Variants in LRFN2 observed in about 807,000 individuals in gnomAD.
LRFN2 encodes the protein leucine-rich repeat and fibronectin type-III domain-containing protein 2.
LRFN2 carries 18 observed loss-of-function variants against 37.3 expected under a neutral mutation model. The ratio of observed to expected loss-of-function variants is 0.48; its 90% CI spans 0.33 to 0.72. LRFN2 has a LOEUF of 0.72. Ranked by LOEUF, LRFN2 falls within the 30% of genes least tolerant of loss-of-function variation. The pLI is 0.02. For missense variants in LRFN2, 1,006 were observed against 1,060.7 expected, an observed-to-expected ratio of 0.95 and a Z score of 0.72; for synonymous variants, 556 against 466.6, an observed-to-expected ratio of 1.19 and a Z score of -2.47.
intron 1 of LRFN2, among the ~76,000 whole-genome samples, chr6:40,548,367 G>A (rs1301567443): frequency 1.3e-5 from 2 of 151,990 alleles, no homozygotes; most frequent in Non-Finnish European, 2.9e-5. Context: ...CTTGAACCTG[G>A]GAGGCGGAGG....
chr6:40,417,450 G>A (rs1011343362), intron 2 of LRFN2, among the ~76,000 whole-genome samples: 4 of 152,194 alleles, frequency 2.6e-5, no homozygotes, highest in African/African-American at 9.7e-5. Context: ...AGCCAAAAAT[G>A]CACTTATGAG....
Position 40,540,920 on chromosome 6 carries a change from G to C in LRFN2, c.-19+46021C>G, listed in dbSNP as rs189346979. ...TCAGGGCCAGAAGCGGTCTATCAGA[G>C]GCTGCAGGAGGCTGCTGGGGGTCAG... On this transcript the variant is annotated intron_variant, in intron 1 of 2. Coordinates refer to ENST00000338305, the MANE Select transcript of LRFN2 (RefSeq NM_020737.3). 4.0e-3 allele frequency among the ~76,000 whole-genome samples: 602 copies of C among 152,292 alleles called. 1 individual carries two copies. The highest frequency in any genetic ancestry group is 0.014 in the African/African-American group (570 of 41,562).
At chr6:40,552,183 T>G (rs774208983) in intron 1 of LRFN2, among the ~76,000 whole-genome samples, 1 of 152,196 alleles carries the variant, frequency 6.6e-6, no homozygotes, top group South Asian at 2.1e-4. Flanking sequence ...AATTAGAAAC[T>G]CTGAAGTGAG....
At chr6:40,509,943 G>A (rs1420025172) in intron 1 of LRFN2, among the ~76,000 whole-genome samples, 1 of 150,734 alleles carries the variant, frequency 6.6e-6, no homozygotes, top group Admixed American at 6.6e-5. Context: ...TGCTGTGCAG[G>A]TAGGAGGGGT....
intron 1 of LRFN2, among the ~76,000 whole-genome samples, chr6:40,496,007 G>A: frequency 6.6e-6 from 1 of 151,976 alleles, no homozygotes; most frequent in East Asian, 1.9e-4. Flanking sequence ...CTCCAAATAT[G>A]CCAATACATT....
At chr6:40,441,018 A>T (rs573447187) in intron 1 of LRFN2, among the ~76,000 whole-genome samples, 34 of 152,216 alleles carry the variant, frequency 2.2e-4, no homozygotes, top group Non-Finnish European at 4.6e-4. Flanking sequence ...CGCTGTAGAA[A>T]CGTGAGATGC....
intron 1 of LRFN2, among the ~76,000 whole-genome samples, chr6:40,481,684 C>A (rs911037020): frequency 6.6e-6 from 1 of 152,158 alleles, no homozygotes; most frequent in East Asian, 1.9e-4. Flanking sequence ...AAGGATAGGG[C>A]TCGCCTGTCC....
At chr6:40,444,539 G>A (rs570493873) in intron 1 of LRFN2, among the ~76,000 whole-genome samples, 52 of 152,058 alleles carry the variant, frequency 3.4e-4, no homozygotes, top group Non-Finnish European at 6.8e-4. Context: ...GTCTTTCTTC[G>A]GGTGGGAATG....
In LRFN2 at chr6:40,447,597, C is replaced by T. The variant is rs567121374; in HGVS notation, c.-18-14466G>A. Among the ~76,000 whole-genome samples, 28 of 152,308 alleles carry T rather than the reference C, an allele frequency of 1.8e-4. No individual in the cohort carries two copies. In the East Asian group the frequency reaches 4.8e-3, roughly 26 times the overall value. On this transcript the variant is annotated intron_variant, in intron 1 of 2. Transcript: ENST00000338305. The stretch of plus-strand genomic sequence containing the variant: ...AATTCTCACTCTTCATTACTTCAAA[C>T]GTAGATGATATCATCATCATCATCA...
intron 1 of LRFN2, among the ~76,000 whole-genome samples, chr6:40,441,234 T>C (rs1385000157): frequency 6.6e-6 from 1 of 152,056 alleles, no homozygotes; most frequent in Non-Finnish European, 1.5e-5. Flanking sequence ...TGAGCCAATG[T>C]GTGAATGAGT....
At chr6:40,405,490 C>G (rs1762826733) in intron 2 of LRFN2, among the ~76,000 whole-genome samples, 1 of 152,164 alleles carries the variant, frequency 6.6e-6, no homozygotes, top group Admixed American at 6.5e-5. Flanking sequence ...TAGGTCAGTG[C>G]CCGGCACAGA....
chr6:40,525,727 C>T (rs928907051), intron 1 of LRFN2, among the ~76,000 whole-genome samples: 2 of 152,116 alleles, frequency 1.3e-5, no homozygotes, highest in African/African-American at 4.8e-5. Flanking sequence ...TCAGTTGACC[C>T]ATCTCACCTC....
At chr6:40,396,870 C>A (rs2113793552) in intron 2 of LRFN2, among the ~76,000 whole-genome samples, 1 of 152,268 alleles carries the variant, frequency 6.6e-6, no homozygotes, top group Admixed American at 6.5e-5. Context: ...CAATAATAAC[C>A]AGTATTTGCC....
intron 1 of LRFN2, among the ~76,000 whole-genome samples, chr6:40,518,182 T>C (rs180952912): frequency 2.0e-5 from 3 of 152,310 alleles, no homozygotes; most frequent in East Asian, 3.9e-4. Context: ...ATAAGAACCA[T>C]TGTGGACACT....
chr6:40,467,207 A>ATGTG (rs762389667), intron 1 of LRFN2, among the ~76,000 whole-genome samples: 69 of 74,182 alleles, frequency 9.3e-4, no homozygotes, highest in African/African-American at 2.0e-3. Flanking sequence ...GATGATGATG[A>ATGTG]TGTGTGTGTG....
At chr6:40,511,208 A>T (rs1765700512) in intron 1 of LRFN2, among the ~76,000 whole-genome samples, 2 of 152,126 alleles carry the variant, frequency 1.3e-5, no homozygotes, top group African/African-American at 4.8e-5. Context: ...CCTACTGAGG[A>T]ACTTTAGGGC....
intron 1 of LRFN2, chr6:40,517,482 A>G (rs935200692): frequency 1.3e-5 from 2 of 152,206 alleles, no homozygotes; most frequent in African/African-American, 2.4e-5. Flanking sequence ...GACTCTGGGC[A>G]AGCTGTAGAG....
At chr6:40,472,432 C>T (rs1341640315) in intron 1 of LRFN2, among the ~76,000 whole-genome samples, 1 of 152,258 alleles carries the variant, frequency 6.6e-6, no homozygotes, top group Non-Finnish European at 1.5e-5. Context: ...ACAGCAGCAA[C>T]TCAGAAGAAG....
chr6:40,512,842 A>G (rs1283867313), intron 1 of LRFN2, among the ~76,000 whole-genome samples: 4 of 152,250 alleles, frequency 2.6e-5, no homozygotes, highest in African/African-American at 9.6e-5. Context: ...AACTCCAGCT[A>G]ATATCCCCAG....
Sources: allele counts gnomAD v4.1 joint callset (sites outside exome capture counted in the v4.1 genomes callset), GRCh38; gene constraint gnomAD v4.1.1; transcripts MANE v1.5; gene names NCBI Gene and HGNC (gene_info 2026-07-23, HGNC 2026-07-21).